Variants in TNC observed in about 807,000 individuals in gnomAD.
TNC encodes tenascin C.
In TNC, 109 loss-of-function variants were observed where a neutral mutation model predicts 202.4. The ratio of observed to expected loss-of-function variants is 0.54; its 90% CI spans 0.46 to 0.63. The LOEUF (loss-of-function observed/expected upper bound fraction) is 0.63, where lower values mean the gene tolerates loss of function less well. Ranked by LOEUF, TNC falls within the 30% of genes least tolerant of loss-of-function variation. The pLI, the probability that TNC is intolerant of heterozygous loss-of-function variation, is 0.00. For missense variants in TNC, 2,756 were observed against 2,833.3 expected, an observed-to-expected ratio of 0.97 and a Z score of 0.62; for synonymous variants, 1,007 against 1,089.7, an observed-to-expected ratio of 0.92 and a Z score of 1.50.
At chr9:115,055,312 G>T (rs1305953888) in intron 15 of TNC, among the ~76,000 whole-genome samples, 7 of 152,128 alleles carry the variant, frequency 4.6e-5, no homozygotes, top group Non-Finnish European at 1.0e-4. Flanking sequence ...TTTAATTTGG[G>T]GTGAGAGTTA....
chr9:115,048,317 C>G lies in TNC; in HGVS notation c.4795G>C (p.Val1599Leu). The G allele has an allele frequency of 1.2e-6, 2 of 1,614,084 alleles. No homozygotes were observed. The highest frequency in any genetic ancestry group is 3.3e-4 in the Middle Eastern group (2 of 6,058). Reference sequence around the variant, plus strand: ...TGATGCCCTTGGGTGAAGCCAGAGACCATAACCTCATAGCCAATGCCAGTT... The same window carrying G: ...TGATGCCCTTGGGTGAAGCCAGAGAGCATAACCTCATAGCCAATGCCAGTT... ...LITGIGYEVMVSGFTQGHQTK... is the reference protein window; with the variant it reads ...LITGIGYEVMLSGFTQGHQTK... The change falls in exon 16 of 28, where the codon GTC becomes CTC. Residue 1599 changes from valine to leucine, a missense_variant. Coordinates refer to ENST00000350763, the MANE Select transcript of TNC (RefSeq NM_002160.4).
At chr9:115,075,958 G>C in intron 9 of TNC, 74 bp downstream of exon 9, 1 of 1,327,164 alleles carries the variant, frequency 7.5e-7, no homozygotes, top group Non-Finnish European at 1.1e-6. Flanking sequence ...CTTTAAATAG[G>C]TTTTGGCCAC....
intron 17 of TNC, among the ~76,000 whole-genome samples, chr9:115,043,792 G>T (rs939021968): frequency 6.6e-6 from 1 of 152,142 alleles, no homozygotes; most frequent in African/African-American, 2.4e-5. Context: ...AGGCACTGAG[G>T]ACTTCCCTCT....
intron 3 of TNC, among the ~76,000 whole-genome samples, chr9:115,084,904 G>A (rs1319569990): frequency 6.6e-6 from 1 of 152,130 alleles, no homozygotes; most frequent in South Asian, 2.1e-4. Context: ...AGAACGCCTT[G>A]ACCAAGCTTG....
chr9:115,117,174 C>G (rs62580479), intron 1 of TNC, among the ~76,000 whole-genome samples: 5,760 of 152,244 alleles, frequency 0.038, 160 homozygotes, highest in Middle Eastern at 0.092. Context: ...TGGCTTCAAA[C>G]CTAAGCTCTT....
At chr9:115,024,691 C>T (rs1829344839) in intron 26 of TNC, among the ~76,000 whole-genome samples, 1 of 152,128 alleles carries the variant, frequency 6.6e-6, no homozygotes, top group South Asian at 2.1e-4. Flanking sequence ...TAATTAAGCC[C>T]TTCAGACATT....
At chr9:115,070,893 G>T (rs1312541651) in intron 10 of TNC, among the ~76,000 whole-genome samples, 1 of 152,172 alleles carries the variant, frequency 6.6e-6, no homozygotes, top group Non-Finnish European at 1.5e-5. Context: ...TACTTCTTTA[G>T]CTATTCCATT....
chr9:115,051,201 T>C (rs1364356311), intron 15 of TNC, among the ~76,000 whole-genome samples: 4 of 152,128 alleles, frequency 2.6e-5, no homozygotes, highest in East Asian at 1.9e-4. Context: ...ATTTGCCAAA[T>C]TGAACATTGG....
chr9:115,089,500 C>A (rs1378386263), intron 2 of TNC, among the ~76,000 whole-genome samples: 2 of 146,466 alleles, frequency 1.4e-5, no homozygotes, highest in African/African-American at 2.6e-5. Context: ...CTCTCTCTCT[C>A]TCTATCTCTT....
rs1416192161 is a variant in TNC, at chr9:115,091,109, T to C, written c.-91A>G. ...GAATTGGGGATTTAGAAGCACAGAG[T>C]AGACTTCAAATCAGTTGTCCCTGAT... On this transcript the variant is annotated 5_prime_UTR_variant, in exon 2 of 28. Coordinates refer to ENST00000350763, the MANE Select transcript of TNC (RefSeq NM_002160.4). 3 of 1,010,706 alleles carry C rather than the reference T, an allele frequency of 3.0e-6. No homozygotes were observed. Among genetic ancestry groups the C allele is most frequent in the Non-Finnish European group, 4.3e-6 (3 of 689,656 alleles). The allele number at this position is 1,010,706 out of a possible 1,614,324, so 62.6% of individuals were successfully genotyped here.
chr9:115,032,698 C>T (rs748017400), intron 22 of TNC, among the ~76,000 whole-genome samples: 2 of 152,100 alleles, frequency 1.3e-5, no homozygotes, highest in Non-Finnish European at 2.9e-5. Context: ...TTATAATAGC[C>T]CCATAGGCAT....
intron 25 of TNC, 87 bp downstream of exon 25, chr9:115,029,273 C>T (rs749676579): frequency 1.0e-5 from 12 of 1,160,314 alleles, no homozygotes; most frequent in Non-Finnish European, 1.5e-5. Flanking sequence ...TCATCTCTTT[C>T]TCTCCCATAG....
chr9:115,022,320 G>A (rs1332154252), intron 27 of TNC, among the ~76,000 whole-genome samples: 2 of 152,248 alleles, frequency 1.3e-5, no homozygotes, highest in South Asian at 2.1e-4. Context: ...CCAACAGCTT[G>A]GTGCACATGC....
chr9:115,113,199 G>A (rs1837214769), intron 1 of TNC, among the ~76,000 whole-genome samples: 1 of 152,126 alleles, frequency 6.6e-6, no homozygotes, highest in South Asian at 2.1e-4. Flanking sequence ...GCTGTGTCTA[G>A]CCCTCTCTCT....
In TNC at chr9:115,030,392, G is replaced by A. The variant is rs1391013974; in HGVS notation, c.5934C>T (p.Tyr1978=). 6.8e-6 allele frequency: 11 copies of A among 1,613,128 alleles called. No individual in the cohort carries two copies. The highest frequency in any genetic ancestry group is 9.3e-6 in the Non-Finnish European group (11 of 1,179,378). ...CTTGGGAGCAGTCCTTGGGGAAGGGGTACAGGAGTCCAACTGTGGAATAAG... is the reference window on the plus strand; with the variant it reads ...CTTGGGAGCAGTCCTTGGGGAAGGGATACAGGAGTCCAACTGTGGAATAAG... ...QTIFTTIGLL[Y]PFPKDCSQAM... is the part of the protein sequence containing the mutation. The change falls in exon 24 of 28, where the codon TAC becomes TAT. Residue 1978 remains tyrosine, a synonymous_variant. Transcript: ENST00000350763.
chr9:115,094,334 T>G (rs1835454963), intron 1 of TNC, among the ~76,000 whole-genome samples: 1 of 152,174 alleles, frequency 6.6e-6, no homozygotes, highest in Non-Finnish European at 1.5e-5. Context: ...AAAGAGGAGC[T>G]GCAGAAATCA....
intron 16 of TNC, among the ~76,000 whole-genome samples, chr9:115,047,986 T>A (rs1263041043): frequency 6.6e-6 from 1 of 152,124 alleles, no homozygotes; most frequent in Non-Finnish European, 1.5e-5. Context: ...TGATATGAGG[T>A]AAGCACACAA....
intron 26 of TNC, among the ~76,000 whole-genome samples, chr9:115,026,195 G>A (rs965136089): frequency 5.9e-5 from 9 of 152,094 alleles, no homozygotes; most frequent in African/African-American, 2.2e-4. Flanking sequence ...GTGCTGGATT[G>A]GATGAATATT....
At position 115,046,522 on chromosome 9, in the gene TNC, G is replaced by C; in HGVS notation, c.5013C>G (p.Pro1671=). ...GACCTGTTATGTCCCTGGTACGTTC[G>C]GGGGCAAGTAGGGTTATTTCCAGTG... The part of the protein sequence containing the change: ...SEPLEITLLA[P]ERTRDITGLR... Residue 1671 remains proline, a synonymous_variant, in exon 17 of 28, where the codon CCC becomes CCG. Transcript: ENST00000350763. The C allele has an allele frequency of 1.2e-6, 2 of 1,613,952 alleles. No individual in the cohort carries two copies. Among genetic ancestry groups the C allele is most frequent in the Non-Finnish European group, 1.7e-6 (2 of 1,179,928 alleles).
Sources: allele counts gnomAD v4.1 joint callset (sites outside exome capture counted in the v4.1 genomes callset), GRCh38; gene constraint gnomAD v4.1.1; transcripts MANE v1.5; gene names NCBI Gene and HGNC (gene_info 2026-07-23, HGNC 2026-07-21).